Variants in CLASP2 observed in about 807,000 individuals in gnomAD.
CLASP2 encodes the protein CLIP-associating protein 2.
CLASP2 carries 47 observed loss-of-function variants against 194.4 expected under a neutral mutation model. The ratio of observed to expected loss-of-function variants is 0.24; its 90% CI spans 0.19 to 0.31. The LOEUF is 0.31. CLASP2 is among the 10% of genes least tolerant of loss of function. CLASP2 has a pLI of 1.00. For missense variants in CLASP2, 1,445 were observed against 1,823.6 expected (o/e 0.79, Z 3.78); for synonymous variants, 619 against 633.5 (o/e 0.98, Z 0.34).
At chr3:33,616,384 T>G (rs1456626967) in intron 12 of CLASP2, among the ~76,000 whole-genome samples, 1 of 152,032 alleles carries the variant, frequency 6.6e-6, no homozygotes, top group Non-Finnish European at 1.5e-5. Context: ...GAAAAAAAAT[T>G]CACAAAATAC....
intron 35 of CLASP2, among the ~76,000 whole-genome samples, chr3:33,516,729 T>C (rs2051426354): frequency 6.6e-6 from 1 of 152,154 alleles, no homozygotes; most frequent in Admixed American, 6.6e-5. Flanking sequence ...CTAATCTAAA[T>C]ATGTAAAACA....
intron 12 of CLASP2, among the ~76,000 whole-genome samples, chr3:33,618,149 T>C (rs951142153): frequency 2.0e-5 from 3 of 151,692 alleles, no homozygotes; most frequent in Admixed American, 6.6e-5. Context: ...GGTTTCTTCA[T>C]GTTGGTCGGG....
At chr3:33,608,313 A>T (rs1264476529) in intron 14 of CLASP2, among the ~76,000 whole-genome samples, 3 of 152,140 alleles carry the variant, frequency 2.0e-5, no homozygotes, top group Admixed American at 6.5e-5. Context: ...CTTTTGCCCA[A>T]CTCAACTTGG....
At chr3:33,554,421 T>C (rs1454668643) in intron 29 of CLASP2, among the ~76,000 whole-genome samples, 1 of 152,158 alleles carries the variant, frequency 6.6e-6, no homozygotes, top group Non-Finnish European at 1.5e-5. Flanking sequence ...AGACAAATAC[T>C]GTATGATCTT....
At chr3:33,501,326 TAA>T (rs2046805290) in intron 38 of CLASP2, among the ~76,000 whole-genome samples, 4 of 152,156 alleles carry the variant, frequency 2.6e-5, no homozygotes, top group Non-Finnish European at 5.9e-5. Context: ...TTATTCTTAA[TAA>T]AACAGTGGTC....
intron 11 of CLASP2, 26 bp from the exon 12 acceptor site, chr3:33,619,764 T>C: frequency 1.3e-6 from 2 of 1,533,708 alleles, no homozygotes; most frequent in Non-Finnish European, 1.8e-6. Flanking sequence ...AAAAGTATTT[T>C]TTAATAGTTT....
At chr3:33,501,108 C>A (rs1390098797) in intron 38 of CLASP2, among the ~76,000 whole-genome samples, 1 of 152,094 alleles carries the variant, frequency 6.6e-6, no homozygotes, top group Non-Finnish European at 1.5e-5. Context: ...GCAAGACTTA[C>A]TTATTTTTTT....
chr3:33,659,324 T>C, intron 7 of CLASP2: 2 of 1,135,688 alleles, frequency 1.8e-6, no homozygotes, highest in Non-Finnish European at 1.1e-6. Flanking sequence ...AGAAAAGCTC[T>C]GAGAGCCAAT....
intron 12 of CLASP2, among the ~76,000 whole-genome samples, chr3:33,617,000 G>C (rs967394884): frequency 6.7e-6 from 1 of 149,936 alleles, no homozygotes; most frequent in Non-Finnish European, 1.5e-5. Context: ...CAAAGTGCTA[G>C]ATTACACACG....
intron 2 of CLASP2, among the ~76,000 whole-genome samples, chr3:33,693,852 A>G (rs1157904765): frequency 6.6e-6 from 1 of 152,156 alleles, no homozygotes; most frequent in Non-Finnish European, 1.5e-5. Context: ...GGAGATTAAA[A>G]GGAAAAACTA....
chr3:33,614,428 G>C (rs1171128428), intron 12 of CLASP2, among the ~76,000 whole-genome samples: 1 of 152,064 alleles, frequency 6.6e-6, no homozygotes, highest in East Asian at 1.9e-4. Context: ...ATAAAGAAAA[G>C]ATCCATGAAA....
chr3:33,523,516 A>G (rs966502468), intron 34 of CLASP2, among the ~76,000 whole-genome samples: 1 of 152,210 alleles, frequency 6.6e-6, no homozygotes, highest in African/African-American at 2.4e-5. Context: ...TGATATATTC[A>G]AAGTGCTAAA....
intron 37 of CLASP2, among the ~76,000 whole-genome samples, chr3:33,508,870 T>C (rs1380416314): frequency 4.6e-5 from 7 of 152,208 alleles, no homozygotes; most frequent in Admixed American, 2.0e-4. Context: ...TTTTAATTCA[T>C]TGTAGCATTA....
intron 14 of CLASP2, among the ~76,000 whole-genome samples, 161 bp downstream of exon 14, chr3:33,608,388 CATACTATTCATGGTTGTA>C (rs1201638031): frequency 2.0e-5 from 3 of 152,146 alleles, no homozygotes; most frequent in Non-Finnish European, 4.4e-5. Flanking sequence ...AGAAGAAAAT[CATACTATTCATGGTTGTA>C]ATGAGTAAGA....
intron 1 of CLASP2, among the ~76,000 whole-genome samples, chr3:33,710,246 C>G (rs1370745316): frequency 6.6e-6 from 1 of 152,176 alleles, no homozygotes; most frequent in African/African-American, 2.4e-5. Flanking sequence ...TCCTAAGGGT[C>G]TTAGCCAATA....
In CLASP2 at chr3:33,512,557, TAAAAAAAAAAAA is replaced by T. The variant is rs71070140; in HGVS notation, c.4111-1805_4111-1794del. On this transcript the variant is annotated intron_variant, in intron 36 of 38. Transcript: ENST00000682230. ...ATGTACCCTAAAACTTAGAGTATAATAAAAAAAAAAAAAAAAAAAAAAAAAAAAGAACACGTA... is the reference window on the plus strand; with the variant it reads ...ATGTACCCTAAAACTTAGAGTATAATAAAAAAAAAAAAAAAAGAACACGTA... Among the ~76,000 whole-genome samples, 2 of 12,486 alleles carry T rather than the reference TAAAAAAAAAAAA, an allele frequency of 1.6e-4. 1 individual carries two copies. Among genetic ancestry groups the T allele is most frequent in the African/African-American group, 7.4e-4 (2 of 2,704 alleles). 8.2% of individuals were successfully genotyped at this position (12,486 alleles called of 152,430 possible).
intron 12 of CLASP2, among the ~76,000 whole-genome samples, chr3:33,615,394 A>C (rs1260280521): frequency 1.3e-5 from 2 of 150,698 alleles, no homozygotes; most frequent in African/African-American, 4.9e-5. Flanking sequence ...AAAAAAAAGG[A>C]AAGAAAAGCA....
chr3:33,669,823 T>C (rs920188721), intron 6 of CLASP2, among the ~76,000 whole-genome samples: 1 of 152,080 alleles, frequency 6.6e-6, no homozygotes, highest in East Asian at 1.9e-4. Context: ...CCAGTGATAA[T>C]ACAAATGGGA....
chr3:33,645,538 G>A (rs2082126402), intron 7 of CLASP2: 1 of 445,396 alleles, frequency 2.2e-6, no homozygotes, highest in South Asian at 6.2e-5. Context: ...GGCAGCTACT[G>A]CCAGATGAAA....
Sources: allele counts gnomAD v4.1 joint callset (sites outside exome capture counted in the v4.1 genomes callset), GRCh38; gene constraint gnomAD v4.1.1; transcripts MANE v1.5; gene names NCBI Gene and HGNC (gene_info 2026-07-23, HGNC 2026-07-21).